Variants in CFAP99 observed in about 807,000 individuals in gnomAD.
The protein encoded by CFAP99 is cilia- and flagella-associated protein 99.
Under a neutral mutation model 82.7 loss-of-function variants are expected in CFAP99, and 84 were observed. The ratio of observed to expected loss-of-function variants is 1.02; its 90% CI spans 0.85 to 1.22. The LOEUF (loss-of-function observed/expected upper bound fraction) is 1.22, where lower values mean the gene tolerates loss of function less well. Among genes scored for constraint, CFAP99 ranks in the 50% most tolerant of loss-of-function variants. The pLI, the probability that CFAP99 is intolerant of heterozygous loss-of-function variation, is 0.00. For missense variants in CFAP99, 1,059 were observed against 983.5 expected (o/e 1.08, Z -1.03); for synonymous variants, 456 against 429.5 (o/e 1.06, Z -0.76).
In CFAP99 at chr4:2,462,794, G is replaced by T; in HGVS notation, c.2013G>T (p.Ala671=). 1 of 1,294,828 alleles carries T rather than the reference G, an allele frequency of 7.7e-7. No individual in the cohort carries two copies. Among genetic ancestry groups the T allele is most frequent in the South Asian group, 2.3e-5 (1 of 44,040 alleles). The allele number at this position is 1,294,828 out of a possible 1,614,324, so 80.2% of individuals were successfully genotyped here. ...GGGGCGTCCCTGCCCGCGCCGACGC[G>T]TTCCCCGGCCTGCAGGCGCAGCTAG... Residue 671 remains alanine (A), a synonymous_variant, in exon 15 of 15, where the codon GCG becomes GCT. Coordinates refer to ENST00000635017, the Ensembl canonical transcript of CFAP99. The surrounding 1 kb of genome is among the most constrained non-coding windows in gnomAD (Gnocchi z 4.1).
intron 1 of CFAP99, among the ~76,000 whole-genome samples, chr4:2,420,160 C>T (rs1733537796): frequency 6.6e-6 from 1 of 151,828 alleles, no homozygotes; most frequent in South Asian, 2.1e-4. Context: ...TGGATGCCTC[C>T]CCTGCTCACC....
intron 4 of CFAP99, among the ~76,000 whole-genome samples, chr4:2,442,859 G>C (rs530189663): frequency 6.6e-6 from 1 of 152,216 alleles, no homozygotes; most frequent in East Asian, 1.9e-4. Context: ...CACCCTGCGC[G>C]GTGGCCTTGG....
chr4:2,430,233 C>T (rs1733773054), intron 2 of CFAP99, among the ~76,000 whole-genome samples: 3 of 118,490 alleles, frequency 2.5e-5, no homozygotes, highest in Non-Finnish European at 5.1e-5. Flanking sequence ...GGTGAAATGC[C>T]AGAAAATTAC....
At chr4:2,443,525 C>T (rs1328568078) in intron 5 of CFAP99, among the ~76,000 whole-genome samples, 1 of 152,194 alleles carries the variant, frequency 6.6e-6, no homozygotes, top group Non-Finnish European at 1.5e-5. Flanking sequence ...AAGGCCATTT[C>T]AGGACTGGCT....
At chr4:2,436,927 C>G (rs746621697) in exon 3 of CFAP99, 1 of 1,536,042 alleles carries the variant, frequency 6.5e-7, no homozygotes, top group South Asian at 1.2e-5. Context: ...CTGGGTGCCT[C>G]GAGTACCGGA....
intron 1 of CFAP99, among the ~76,000 whole-genome samples, chr4:2,424,511 G>A (rs1733646027): frequency 6.6e-6 from 1 of 152,220 alleles, no homozygotes; most frequent in African/African-American, 2.4e-5. Flanking sequence ...AGCCAGCAGG[G>A]AGGTGGGGAC....
At position 2,446,410 on chromosome 4, in the gene CFAP99, T is replaced by A. The variant is rs1734167073; in HGVS notation, c.642+1102T>A. Among the ~76,000 whole-genome samples, 2 of 146,260 alleles carry A rather than the reference T, an allele frequency of 1.4e-5. No individual in the cohort carries two copies. The highest frequency in any genetic ancestry group is 1.4e-4 in the Admixed American group (2 of 14,772). ...TATTATTATTATTATTATTATTATT[T>A]GAGACAGAGTCTCGCTCTGTCACCC... On this transcript the variant is annotated intron_variant, in intron 6 of 14. Transcript: ENST00000635017. The surrounding 1 kb of genome is among the most constrained non-coding windows in gnomAD (Gnocchi z 5.0).
At chr4:2,434,206 G>A (rs1204035496) in intron 2 of CFAP99, among the ~76,000 whole-genome samples, 2 of 152,216 alleles carry the variant, frequency 1.3e-5, no homozygotes, top group East Asian at 1.9e-4. Context: ...AAGGCCCAGC[G>A]GCAGCAGGAT....
rs923539039 is a variant in CFAP99 at position 2,459,997 on chromosome 4, G to A, written c.1456-40G>A. On this transcript the variant is annotated intron_variant, in intron 13 of 14. Coordinates refer to ENST00000635017, the Ensembl canonical transcript of CFAP99. ...TCCTGGTGGGAAGCATCGGGGCCCA[G>A]CACAGCTCCCAGCTTGGGGCCTCCC... The A allele has an allele frequency of 5.2e-6, 8 of 1,525,330 alleles. No individual in the cohort carries two copies. In the Admixed American group the frequency reaches 5.9e-5, roughly 11 times the overall value. 94.5% of individuals were successfully genotyped at this position (1,525,330 alleles called of 1,614,324 possible).
intron 10 of CFAP99, among the ~76,000 whole-genome samples, chr4:2,451,870 G>A (rs1274862618): frequency 6.6e-6 from 1 of 152,040 alleles, no homozygotes; most frequent in African/African-American, 2.4e-5. Flanking sequence ...GTTGGTGGAT[G>A]GACAGACAGT....
chr4:2,436,543 G>C (rs1370126442), intron 2 of CFAP99, among the ~76,000 whole-genome samples: 1 of 152,184 alleles, frequency 6.6e-6, no homozygotes, highest in Non-Finnish European at 1.5e-5. Context: ...CATGCCCGCT[G>C]GCCCCTGGCA....
At chr4:2,431,091 G>A (rs146786580) in intron 2 of CFAP99, among the ~76,000 whole-genome samples, 8,012 of 148,984 alleles carry the variant, frequency 0.054, 295 homozygotes, top group Non-Finnish European at 0.082. Context: ...AATGTTGGCC[G>A]GGCGCGGTGG....
At chr4:2,420,841 C>T (rs1167183835) in intron 1 of CFAP99, among the ~76,000 whole-genome samples, 1 of 152,210 alleles carries the variant, frequency 6.6e-6, no homozygotes, top group Non-Finnish European at 1.5e-5. Context: ...GCCATCACCT[C>T]CTCGGCCCAG....
intron 11 of CFAP99, among the ~76,000 whole-genome samples, chr4:2,452,811 C>G (rs1943767093): frequency 6.6e-6 from 1 of 152,106 alleles, no homozygotes; most frequent in South Asian, 2.1e-4. Context: ...ACCTATAATC[C>G]CAGCACTTTA....
chr4:2,440,061 C>T (rs1733998937), intron 4 of CFAP99, among the ~76,000 whole-genome samples: 2 of 151,294 alleles, frequency 1.3e-5, no homozygotes, highest in South Asian at 2.1e-4. Context: ...AGGCTGGTCT[C>T]GAACTCCTGA....
In CFAP99 at chr4:2,458,583, T is replaced by G. The variant is rs924213063; in HGVS notation, c.1162-140T>G. On this transcript the variant is annotated intron_variant, in intron 11 of 14. Transcript: ENST00000635017. ...AGAGCACCGCCAGGAGTGAATGGGC[T>G]TAGACCTGGGTTCTGGGGTGATTCA... The G allele has an allele frequency of 1.7e-5, 19 of 1,110,690 alleles. No homozygotes were observed. The Admixed American group carries it at 5.8e-4, about 34-fold the overall frequency. The allele number at this position is 1,110,690 out of a possible 1,614,324, so 68.8% of individuals were successfully genotyped here.
rs891130907 is a variant in CFAP99, at chr4:2,462,859, G to A, written c.2078G>A (p.Arg693His). Residue 693 changes from arginine (R) to histidine (H), a missense_variant, in exon 15 of 15, where the codon CGC (arginine) becomes CAC (histidine). Arg to His is a conservative substitution (Grantham distance 29). Transcript: ENST00000635017. This position sits in a 1 kb window ranked among gnomAD's most constrained non-coding sequence, Gnocchi z 4.1. Reference sequence around the variant, plus strand: ...CTGGAGCTGGAGCGGAGCCGCGAGCGCAGGCTGCAGGCGCTGCAGCAGGGA... The same window carrying A: ...CTGGAGCTGGAGCGGAGCCGCGAGCACAGGCTGCAGGCGCTGCAGCAGGGA... The A allele has an allele frequency of 4.3e-6, 6 of 1,390,508 alleles. No homozygotes were observed. In the African/African-American group the frequency reaches 6.0e-5, roughly 14 times the overall value. The allele number at this position is 1,390,508 out of a possible 1,614,324, so 86.1% of individuals were successfully genotyped here. A position where few individuals can be genotyped will look rare whatever the true frequency, so the allele number is the denominator to read the frequency against.
chr4:2,426,692 C>T, intron 2 of CFAP99, 106 bp downstream of exon 2: 1 of 735,418 alleles, frequency 1.4e-6, no homozygotes. Context: ...CTTCCTTCCA[C>T]ATGGGGAGAA....
At chr4:2,452,401 A>T (rs1273468876) in intron 11 of CFAP99, 55 bp downstream of exon 11, 1 of 1,507,420 alleles carries the variant, frequency 6.6e-7, no homozygotes, top group African/African-American at 1.4e-5. Flanking sequence ...CTGTGTGCCC[A>T]CCGGGAGCTG....
Sources: gnomAD v4.1 joint callset for allele counts (sites outside exome capture counted in the v4.1 genomes callset) on GRCh38, gnomAD v4.1.1 for gene constraint, Gnocchi (gnomAD v3.1) non-coding constraint, MANE v1.5 for transcripts, NCBI Gene and HGNC (gene_info 2026-07-23, HGNC 2026-07-21) for gene names.